The following PI16 variants were observed in gnomAD, a reference collection of about 807,000 sequenced individuals.
PI16 encodes peptidase inhibitor 16.
A neutral mutation model predicts 38.0 loss-of-function variants in PI16; 35 were observed. That is an observed-to-expected ratio of 0.92 (90% confidence interval 0.70 to 1.22). The LOEUF (loss-of-function observed/expected upper bound fraction) is 1.22. Among genes scored for constraint, PI16 ranks in the 50% most tolerant of loss-of-function variants. PI16 has a pLI of 0.00. For missense variants in PI16, 572 were observed against 593.8 expected, an observed-to-expected ratio of 0.96 and a Z score of 0.38; for synonymous variants, 275 against 252.9, an observed-to-expected ratio of 1.09 and a Z score of -0.83.
chr6:36,954,598 G>A, upstream of PI16: 1 of 1,144,396 alleles, frequency 8.7e-7, no homozygotes, highest in Admixed American at 2.7e-5. Flanking sequence ...ATGCTGGTCG[G>A]GACCCAAAGC....
In PI16 at chr6:36,961,916, G is replaced by C; in HGVS notation, c.534G>C (p.Gln178His). 6.2e-7 allele frequency: 1 copy of C among 1,614,162 alleles called. No individual in the cohort carries two copies. The highest frequency in any genetic ancestry group is 8.5e-7 in the Non-Finnish European group (1 of 1,180,000). Reference protein sequence around the residue: ...PGNVKGKRPYQEGTPCSQCPS... With the variant: ...PGNVKGKRPYHEGTPCSQCPS... ...ACGTGAAGGGGAAACGGCCCTACCA[G>C]GAGGGGACTCCGTGCTCCCAATGTC... Residue 178 changes from glutamine (Q) to histidine (H), a missense_variant, in exon 4 of 7, where the codon CAG becomes CAC. Physicochemically the swap from Gln to His is conservative, Grantham distance 24 (BLOSUM62 0). Coordinates refer to ENST00000373674, the MANE Select transcript of PI16 (RefSeq NM_153370.3).
In PI16 at chr6:36,963,065, G is replaced by A. The variant is rs1243313604; in HGVS notation, c.723G>A (p.Pro241=). The A allele has an allele frequency of 1.9e-6, 3 of 1,614,060 alleles. No individual in the cohort carries two copies. Among genetic ancestry groups the A allele is most frequent in the Admixed American group, 3.3e-5 (2 of 60,000 alleles). ...CTTCTTCCCTAGCAACGGGGATTCC[G>A]GCTTTCTTGGTAACAGAGGTCTCAG... is the stretch of plus-strand genomic sequence containing the variant. ...GTPSSLATGI[P]AFLVTEVSGS... Residue 241 remains proline, a synonymous_variant, in exon 5 of 7, where the codon CCG becomes CCA. Transcript: ENST00000373674.
chr6:36,949,467 C>T (rs1763066405), intron 1 of PI16, among the ~76,000 whole-genome samples: 1 of 152,190 alleles, frequency 6.6e-6, no homozygotes, highest in Admixed American at 6.5e-5. Flanking sequence ...GTCAGGAACT[C>T]ACTGAGTTCT....
intron 1 of PI16, among the ~76,000 whole-genome samples, chr6:36,948,743 C>T (rs1437856212): frequency 8.0e-6 from 1 of 125,436 alleles, no homozygotes; most frequent in Non-Finnish European, 1.7e-5. Flanking sequence ...CCCTTCCTTC[C>T]CTTCCTTCTC....
At chr6:36,958,169 C>T (rs375770911) in intron 1 of PI16, among the ~76,000 whole-genome samples, 92 of 152,334 alleles carry the variant, frequency 6.0e-4, no homozygotes, top group African/African-American at 2.1e-3. Context: ...AAGCTCTTGG[C>T]GCTTTATGGG....
upstream of PI16, among the ~76,000 whole-genome samples, chr6:36,953,335 C>CA (rs55778632): frequency 0.25 from 30,554 of 123,872 alleles, 3,397 homozygotes; most frequent in East Asian, 0.42. Flanking sequence ...GACTCCATCT[C>CA]AAAAAAAAAA....
At chr6:36,952,016 TC>T (rs67148508), upstream of PI16, among the ~76,000 whole-genome samples, 10,347 of 146,488 alleles carry the variant, frequency 0.071, 731 homozygotes, top group East Asian at 0.34. Flanking sequence ...TTTTTTTTTT[TC>T]TTTTGAGACT....
intron 4 of PI16, 26 bp downstream of exon 4, chr6:36,962,000 G>T: frequency 6.3e-7 from 1 of 1,581,078 alleles, no homozygotes; most frequent in Non-Finnish European, 8.7e-7. Context: ...GATGGGTAGG[G>T]GCAGGGGGTG....
chr6:36,952,798 T>C (rs150688040), upstream of PI16, among the ~76,000 whole-genome samples: 200 of 152,330 alleles, frequency 1.3e-3, no homozygotes, highest in Admixed American at 2.6e-3. Flanking sequence ...AGATTCCATA[T>C]AAATTTTAGG....
rs868228538 is a variant in PI16 at position 36,960,651 on chromosome 6, C to A, written c.394-800C>A. ...CCCTCCCTCTCCCTCCACCCCCCCC[C>A]TCCCTCTACCCCCACCCACTTGCTC... is the stretch of plus-strand genomic sequence containing the variant. On this transcript the variant is annotated intron_variant, in intron 2 of 6. Transcript: ENST00000373674. Among the ~76,000 whole-genome samples, 479 of 144,264 alleles carry A rather than the reference C, an allele frequency of 3.3e-3. 3 individuals carry two copies. Among genetic ancestry groups the A allele is most frequent in the African/African-American group, 0.01 (390 of 38,458 alleles). The allele number at this position is 144,264 out of a possible 152,430, so 94.6% of individuals were successfully genotyped here. A position where few individuals can be genotyped will look rare whatever the true frequency, so the allele number is the denominator to read the frequency against.
intron 1 of PI16, among the ~76,000 whole-genome samples, chr6:36,949,705 T>G (rs896898370): frequency 4.6e-5 from 7 of 152,224 alleles, no homozygotes; most frequent in Admixed American, 3.3e-4. Flanking sequence ...CTTCTCCCCT[T>G]TTCAGCTACC....
Position 36,960,651 on chromosome 6 carries a change from CT to C in PI16, c.394-799del, listed in dbSNP as rs1424347462. On this transcript the variant is annotated intron_variant, in intron 2 of 6. Coordinates refer to ENST00000373674, the MANE Select transcript of PI16 (RefSeq NM_153370.3). ...CCCTCCCTCTCCCTCCACCCCCCCC[CT>C]CCCTCTACCCCCACCCACTTGCTCC... is the stretch of plus-strand genomic sequence containing the variant. Among the ~76,000 whole-genome samples, 210 of 144,248 alleles carry C rather than the reference CT, an allele frequency of 1.5e-3. 5 individuals carry two copies. The East Asian group carries it at 0.032, about 22-fold the overall frequency. 94.6% of individuals were successfully genotyped at this position (144,248 alleles called of 152,430 possible). A position where few individuals can be genotyped will look rare whatever the true frequency, so the allele number is the denominator to read the frequency against.
chr6:36,963,630 T>C lies in PI16; in HGVS notation c.1270+18T>C. 6.2e-7 allele frequency: 1 copy of C among 1,606,780 alleles called. No homozygotes were observed. Among genetic ancestry groups the C allele is most frequent in the Non-Finnish European group, 8.5e-7 (1 of 1,175,060 alleles). On this transcript the variant is annotated intron_variant, in intron 5 of 6. Transcript: ENST00000373674. ...CTTGCCAGGTAAGGCCCATAGCATC[T>C]GTCCCACTTTCCTCCTGGCTCTGGA...
Position 36,963,806 on chromosome 6 carries a change from C to G in PI16, c.1271-17C>G, listed in dbSNP as rs1477280859. On this transcript the variant is annotated splice_polypyrimidine_tract_variant and intron_variant, in intron 5 of 6. Transcript: ENST00000373674. ...CAGCTGTCTCTAGGCTGAGGCAAAG[C>G]CTCTTTCTTCCCACAGGTGCAGAGG... 1 of 1,568,768 alleles carries G rather than the reference C, an allele frequency of 6.4e-7. No individual in the cohort carries two copies. Among genetic ancestry groups the G allele is most frequent in the African/African-American group, 1.4e-5 (1 of 73,030 alleles).
At chr6:36,959,509 G>A (rs1017651425) in intron 2 of PI16, 143 bp downstream of exon 2, 1 of 803,514 alleles carries the variant, frequency 1.2e-6, no homozygotes, top group African/African-American at 1.7e-5. Context: ...AGCCCCCTCA[G>A]ACACTTTGCA....
At chr6:36,953,418 A>C (rs1454632951), upstream of PI16, among the ~76,000 whole-genome samples, 1 of 150,876 alleles carries the variant, frequency 6.6e-6, no homozygotes, top group Non-Finnish European at 1.5e-5. Flanking sequence ...TTGTTTTCTT[A>C]ATTTCCTTTT....
intron 2 of PI16, 99 bp from the exon 3 acceptor site, chr6:36,961,352 C>T: frequency 2.0e-6 from 2 of 991,536 alleles, no homozygotes; most frequent in South Asian, 2.6e-5. Context: ...CTATAGGGTG[C>T]CTCTTCTCTC....
chr6:36,948,657 CT>C (rs1763051689), intron 1 of PI16, among the ~76,000 whole-genome samples: 2 of 32,536 alleles, frequency 6.1e-5, no homozygotes, highest in South Asian at 1.4e-3. Context: ...TCCCTCCCTC[CT>C]TCCCTCCTTC....
chr6:36,955,979 G>A (rs1489067640), intron 1 of PI16, among the ~76,000 whole-genome samples: 1 of 152,202 alleles, frequency 6.6e-6, no homozygotes, highest in African/African-American at 2.4e-5. Context: ...CCTGGAGCTG[G>A]TGCCTGAGAG....
Sources: allele counts gnomAD v4.1 joint callset (sites outside exome capture counted in the v4.1 genomes callset), GRCh38; gene constraint gnomAD v4.1.1; transcripts MANE v1.5; gene names NCBI Gene and HGNC (gene_info 2026-07-23, HGNC 2026-07-21).